Variants in SCN1A observed in about 807,000 individuals in gnomAD.
The protein encoded by SCN1A is sodium channel protein type 1 subunit alpha.
A neutral mutation model predicts 193.7 loss-of-function variants in SCN1A; 13 were observed. The observed-to-expected ratio is 0.07, with a 90% CI of 0.04 to 0.11. SCN1A has a LOEUF of 0.11. Among genes scored for constraint, SCN1A ranks in the 10% least tolerant of loss-of-function variants. The pLI is 1.00. For synonymous variants in SCN1A, 781 were observed against 843.6 expected (o/e 0.93, Z 1.29); for missense variants, 1,432 against 2,451.1 (o/e 0.58, Z 8.78).
chr2:166,036,271 A>G lies in SCN1A; in HGVS notation c.3206T>C (p.Ile1069Thr), dbSNP rs1696351859. The G allele has an allele frequency of 6.2e-7, 1 of 1,613,738 alleles. No homozygotes were observed. Among genetic ancestry groups the G allele is most frequent in the Admixed American group, 1.7e-5 (1 of 59,992 alleles). ...DSCMSNHTAE[I>T]GKDLDYLKDV... ...TTTAAGATAGTCAAGATCTTTCCCA[A>G]TTTCTGCTGTATGATTGGACATACA... is the stretch of plus-strand genomic sequence containing the variant. Residue 1069 changes from isoleucine (I) to threonine (T), a missense_variant, in exon 19 of 29, where the codon ATT (isoleucine) becomes ACT (threonine). Physicochemically the swap from Ile to Thr is moderately conservative, Grantham distance 89 (BLOSUM62 -1). Coordinates refer to ENST00000674923, the MANE Select transcript of SCN1A (RefSeq NM_001165963.4).
intron 2 of SCN1A, among the ~76,000 whole-genome samples, chr2:166,105,705 A>T (rs531497301): frequency 1.2e-3 from 185 of 152,352 alleles, no homozygotes; most frequent in Non-Finnish European, 2.1e-3. Flanking sequence ...TCCAATATTC[A>T]CTAGTGAAAA....
At chr2:166,081,524 G>A (rs1461344467) in intron 2 of SCN1A, 1 of 151,790 alleles carries the variant, frequency 6.6e-6, no homozygotes, top group Non-Finnish European at 1.5e-5. Flanking sequence ...ATAAAAAGGT[G>A]ATATCTGTCT....
chr2:166,045,016 G>C, intron 13 of SCN1A, 27 bp downstream of exon 13: 1 of 1,611,826 alleles, frequency 6.2e-7, no homozygotes, highest in Non-Finnish European at 8.5e-7. Flanking sequence ...TTTCAACCAT[G>C]CATCAGTAAA....
chr2:166,090,581 C>G (rs1204813924), intron 2 of SCN1A, among the ~76,000 whole-genome samples: 1 of 152,200 alleles, frequency 6.6e-6, no homozygotes, highest in Non-Finnish European at 1.5e-5. Context: ...AGGTTCTTCA[C>G]TAGTCACCAG....
At chr2:166,008,221 G>T (rs1230878018) in intron 23 of SCN1A, among the ~76,000 whole-genome samples, 1 of 151,154 alleles carries the variant, frequency 6.6e-6, no homozygotes, top group Non-Finnish European at 1.5e-5. Context: ...ATACCGATAA[G>T]ATCAGCTTTT....
intron 1 of SCN1A, among the ~76,000 whole-genome samples, chr2:166,138,743 G>A (rs984120787): frequency 4.1e-4 from 62 of 152,148 alleles, no homozygotes; most frequent in African/African-American, 1.2e-3. Flanking sequence ...ACTTGGTGGA[G>A]CTATGAGAAG....
chr2:166,004,555 A>G (rs1197185928), intron 23 of SCN1A, among the ~76,000 whole-genome samples: 2 of 151,372 alleles, frequency 1.3e-5, no homozygotes, highest in African/African-American at 2.4e-5. Flanking sequence ...CATTTAATCT[A>G]TGTAAGATGA....
chr2:165,991,694 G>A lies in SCN1A; in HGVS notation c.5581C>T (p.Arg1861Trp), dbSNP rs760906812. Residue 1861 changes from arginine (R) to tryptophan (W), a missense_variant, in exon 29 of 29, where the codon CGG (arginine) becomes TGG (tryptophan). This residue lies in a region of SCN1A where 59 missense variants were observed against 110.6 expected (regional missense o/e 0.53). Transcript: ENST00000674923. ...AATAAGATATCAAGACAGTGGATCC[G>A]GTCACCACTCACCATGGGCAAATCC... is the stretch of plus-strand genomic sequence containing the variant. Reference protein sequence around the residue: ...AMDLPMVSGDRIHCLDILFAF... With the variant: ...AMDLPMVSGDWIHCLDILFAF... The A allele has an allele frequency of 6.2e-7, 1 of 1,613,840 alleles. No individual in the cohort carries two copies. The highest frequency in any genetic ancestry group is 1.1e-5 in the South Asian group (1 of 91,074).
At chr2:166,125,220 T>C (rs1691099542) in intron 2 of SCN1A, among the ~76,000 whole-genome samples, 1 of 152,192 alleles carries the variant, frequency 6.6e-6, no homozygotes, top group African/African-American at 2.4e-5. Flanking sequence ...TGAGGGTGAC[T>C]ATACAGGACC....
Position 165,994,277 on chromosome 2 carries a change from G to A in SCN1A, c.4721C>T (p.Ser1574Leu), listed in dbSNP as rs1689697626. Residue 1574 changes from serine (S) to leucine (L), a missense_variant, in exon 28 of 29, where the codon TCA becomes TTA. Transcript: ENST00000674923. ...CACAATGAACACCAGATTGATGCGT[G>A]ACAAAATGGTAGTCACATATTCACT... The part of the protein sequence containing the change: ...DQSEYVTTIL[S>L]RINLVFIVLF... 6.2e-7 allele frequency: 1 copy of A among 1,613,200 alleles called. No homozygotes were observed. The highest frequency in any genetic ancestry group is 2.2e-5 in the East Asian group (1 of 44,794).
intron 19 of SCN1A, among the ~76,000 whole-genome samples, chr2:166,025,507 C>T (rs771937702): frequency 5.3e-5 from 8 of 151,852 alleles, no homozygotes; most frequent in Non-Finnish European, 1.0e-4. Context: ...CTGATTAGGT[C>T]AGGCCCACCC....
At chr2:166,147,574 A>G (rs1329533107) in intron 1 of SCN1A, among the ~76,000 whole-genome samples, 1 of 152,168 alleles carries the variant, frequency 6.6e-6, no homozygotes, top group Non-Finnish European at 1.5e-5. Context: ...TGTATCCATC[A>G]TTTTTTAACT....
intron 16 of SCN1A, among the ~76,000 whole-genome samples, chr2:166,040,218 CAA>C: frequency 6.6e-6 from 1 of 152,208 alleles, no homozygotes; most frequent in East Asian, 1.9e-4. Flanking sequence ...GCGCCCAGCC[CAA>C]GTCATCTATT....
At position 165,991,216 on chromosome 2, in the gene SCN1A, G is replaced by T. The variant is rs770763609; in HGVS notation, c.*29C>A. 7 of 1,563,778 alleles carry T rather than the reference G, an allele frequency of 4.5e-6. No homozygotes were observed. The highest frequency in any genetic ancestry group is 6.1e-6 in the Non-Finnish European group (7 of 1,149,084). The stretch of plus-strand genomic sequence containing the variant: ...CACCTTCACAGGCTGTAAACAATTT[G>T]TCACCCAATTATTTTTATTTATTTT... On this transcript the variant is annotated 3_prime_UTR_variant, in exon 29 of 29. Coordinates refer to ENST00000674923, the MANE Select transcript of SCN1A (RefSeq NM_001165963.4).
At chr2:166,056,263 G>A (rs1183111651) in intron 6 of SCN1A, 148 bp downstream of exon 6, 5 of 639,720 alleles carry the variant, frequency 7.8e-6, no homozygotes, top group Non-Finnish European at 1.4e-5. Context: ...CAGGCCTGAG[G>A]GCCAATGAGC....
In SCN1A at chr2:166,007,098, G is replaced by A. The variant is rs1165497884; in HGVS notation, c.4002+2621C>T. The A allele has an allele frequency of 1.1e-4, 17 of 150,274 alleles. No individual in the cohort carries two copies. Among genetic ancestry groups the A allele is most frequent in the Non-Finnish European group, 1.8e-4 (12 of 67,244 alleles). The allele number at this position is 150,274 out of a possible 1,614,324, so 9.3% of individuals were successfully genotyped here. Reference sequence around the variant, plus strand: ...TGAAATTTAAGACAATTGAAAAGAGGGGATTAGGATGTAAATAATGTATTT... The same window carrying A: ...TGAAATTTAAGACAATTGAAAAGAGAGGATTAGGATGTAAATAATGTATTT... On this transcript the variant is annotated intron_variant, in intron 23 of 28. Transcript: ENST00000674923.
chr2:166,015,680 G>A lies in SCN1A; in HGVS notation c.3477C>T (p.Ile1159=), dbSNP rs761878186. The part of the protein sequence containing the change: ...SSSSEGSTVD[I]GAPVEEQPVV... Reference sequence around the variant, plus strand: ...CGGGCTGTTCTTCTACAGGTGCGCCGATGTCCACAGTGCTACCTTCTGATG... The same window carrying A: ...CGGGCTGTTCTTCTACAGGTGCGCCAATGTCCACAGTGCTACCTTCTGATG... Residue 1159 remains isoleucine (I), a synonymous_variant, in exon 20 of 29, where the codon ATC becomes ATT. Transcript: ENST00000674923. 1.2e-5 allele frequency: 20 copies of A among 1,612,862 alleles called. No individual in the cohort carries two copies. The highest frequency in any genetic ancestry group is 1.3e-5 in the African/African-American group (1 of 74,982).
intron 19 of SCN1A, among the ~76,000 whole-genome samples, chr2:166,020,247 T>C (rs775133584): frequency 2.0e-5 from 3 of 152,196 alleles, no homozygotes; most frequent in African/African-American, 2.4e-5. Flanking sequence ...CTTTTTCTCC[T>C]AGTGATTTTT....
At chr2:166,022,166 T>C (rs1340924486) in intron 19 of SCN1A, among the ~76,000 whole-genome samples, 1 of 151,862 alleles carries the variant, frequency 6.6e-6, no homozygotes, top group Non-Finnish European at 1.5e-5. Context: ...TTTAAGAAGA[T>C]GATGTTAAAT....
Sources: allele counts gnomAD v4.1 joint callset (sites outside exome capture counted in the v4.1 genomes callset), GRCh38; gene constraint gnomAD v4.1.1; regional missense constraint gnomAD v4.1.1; transcripts MANE v1.5; gene names NCBI Gene and HGNC (gene_info 2026-07-23, HGNC 2026-07-21).